Variants in SPON1 observed in about 807,000 individuals in gnomAD.
The protein encoded by SPON1 is spondin-1.
SPON1 carries 52 observed loss-of-function variants against 111.7 expected under a neutral mutation model. The observed-to-expected ratio is 0.47, with a 90% CI of 0.37 to 0.59. The LOEUF (loss-of-function observed/expected upper bound fraction) is 0.59, where lower values mean the gene tolerates loss of function less well. Among genes scored for constraint, SPON1 ranks in the 20% least tolerant of loss-of-function variants. The pLI is 0.00. For synonymous variants in SPON1, 410 were observed against 395.8 expected, an observed-to-expected ratio of 1.04 and a Z score of -0.43; for missense variants, 957 against 1,068.5, an observed-to-expected ratio of 0.90 and a Z score of 1.46.
At chr11:13,989,440 T>C (rs1554910829) in intron 2 of SPON1, among the ~76,000 whole-genome samples, 2 of 152,202 alleles carry the variant, frequency 1.3e-5, no homozygotes, top group African/African-American at 4.8e-5. Context: ...TACTCTCTTT[T>C]CTTTATTAGT....
chr11:14,127,301 C>G lies in SPON1; in HGVS notation c.677-8119C>G, dbSNP rs1202431678. On this transcript the variant is annotated intron_variant, in intron 5 of 15. Coordinates refer to ENST00000576479, the MANE Select transcript of SPON1 (RefSeq NM_006108.4). ...CTAGAATATACATAGATCTGACCTC[C>G]GAAAAAAAAAAAAAAACCCAGTTTT... Among the ~76,000 whole-genome samples the G allele has an allele frequency of 3.7e-5, 2 of 54,498 alleles. 1 individual carries two copies. The highest frequency in any genetic ancestry group is 1.3e-3 in the South Asian group (2 of 1,570). 35.8% of individuals were successfully genotyped at this position (54,498 alleles called of 152,430 possible).
chr11:14,146,972 T>A (rs1847726019), intron 6 of SPON1, among the ~76,000 whole-genome samples: 1 of 150,810 alleles, frequency 6.6e-6, no homozygotes, highest in South Asian at 2.1e-4. Context: ...ATTTAAATAT[T>A]TTTAAATGAA....
At chr11:14,156,268 GT>G (rs1847844955) in intron 6 of SPON1, among the ~76,000 whole-genome samples, 1 of 146,636 alleles carries the variant, frequency 6.8e-6, no homozygotes, top group Admixed American at 7.0e-5. Context: ...TTTTTCATGT[GT>G]TTTTTGGCTG....
At chr11:14,082,470 G>C (rs1250444816) in intron 5 of SPON1, among the ~76,000 whole-genome samples, 1 of 152,192 alleles carries the variant, frequency 6.6e-6, no homozygotes, top group Non-Finnish European at 1.5e-5. Flanking sequence ...AAGTCCTCCA[G>C]GACAAACGTG....
chr11:14,243,239 G>T, intron 6 of SPON1, 93 bp from the exon 7 acceptor site: 1 of 1,202,596 alleles, frequency 8.3e-7, no homozygotes. Flanking sequence ...CAGCAGGTGA[G>T]GGAGTGGGGG....
intron 3 of SPON1, among the ~76,000 whole-genome samples, chr11:14,060,579 T>C (rs1029020617): frequency 6.6e-6 from 1 of 152,156 alleles, no homozygotes; most frequent in African/African-American, 2.4e-5. Flanking sequence ...TGGCTGCATA[T>C]TGGAATCACC....
intron 3 of SPON1, among the ~76,000 whole-genome samples, chr11:14,065,132 T>A (rs1848822228): frequency 6.6e-6 from 1 of 152,120 alleles, no homozygotes; most frequent in African/African-American, 2.4e-5. Context: ...TCTACTACTC[T>A]ACAGGATGCT....
intron 6 of SPON1, among the ~76,000 whole-genome samples, chr11:14,229,674 G>A (rs932600939): frequency 4.6e-5 from 7 of 152,144 alleles, no homozygotes; most frequent in Admixed American, 4.6e-4. Flanking sequence ...CACAGTGTCC[G>A]ACCCAGAAAG....
intron 2 of SPON1, among the ~76,000 whole-genome samples, chr11:14,021,228 G>T (rs1168801090): frequency 6.6e-6 from 1 of 152,000 alleles, no homozygotes; most frequent in African/African-American, 2.4e-5. Flanking sequence ...TTTCTGTTTT[G>T]TTCACCACAG....
chr11:14,262,849 C>A lies in SPON1; in HGVS notation c.2134C>A (p.Arg712=). 1.9e-6 allele frequency: 3 copies of A among 1,613,582 alleles called. No homozygotes were observed. The highest frequency in any genetic ancestry group is 1.7e-6 in the Non-Finnish European group (2 of 1,179,794). The change falls in exon 15 of 16, where the codon CGA becomes AGA. Residue 712 remains arginine, a synonymous_variant. Transcript: ENST00000576479. ...TGCACCCTGCCCAGAGACTGTGCAGCGAAAAAAGTGCCGCATCCGAAAATG... is the reference window on the plus strand; with the variant it reads ...TGCACCCTGCCCAGAGACTGTGCAGAGAAAAAAGTGCCGCATCCGAAAATG... ...GGAPCPETVQ[R]KKCRIRKCLR... is the part of the protein sequence containing the mutation.
intron 6 of SPON1, among the ~76,000 whole-genome samples, chr11:14,188,550 T>C (rs577681214): frequency 7.6e-4 from 116 of 152,360 alleles, no homozygotes; most frequent in African/African-American, 2.7e-3. Context: ...TTCTCACCAA[T>C]AGCATCATCT....
chr11:14,074,032 T>C (rs1848897588), intron 3 of SPON1, among the ~76,000 whole-genome samples: 1 of 152,130 alleles, frequency 6.6e-6, no homozygotes, highest in Non-Finnish European at 1.5e-5. Flanking sequence ...AAAAGCACTG[T>C]TGGAGATGAT....
At chr11:14,107,619 G>A (rs998831268) in intron 5 of SPON1, among the ~76,000 whole-genome samples, 3 of 151,442 alleles carry the variant, frequency 2.0e-5, no homozygotes, top group Non-Finnish European at 4.4e-5. Flanking sequence ...AAATGAAAGA[G>A]GGCTAGCTTT....
chr11:14,244,047 G>A (rs1848960367), intron 7 of SPON1, among the ~76,000 whole-genome samples: 1 of 152,194 alleles, frequency 6.6e-6, no homozygotes, highest in African/African-American at 2.4e-5. Flanking sequence ...AAAGTACAGT[G>A]AGTGTCAAAA....
At chr11:14,031,182 A>G (rs1848555938) in intron 2 of SPON1, among the ~76,000 whole-genome samples, 1 of 152,216 alleles carries the variant, frequency 6.6e-6, no homozygotes, top group African/African-American at 2.4e-5. Context: ...TGGAAATGAT[A>G]GACACCAGGG....
rs566734269 is a variant in SPON1, at chr11:14,202,087, A to C, written c.826-41245A>C. On this transcript the variant is annotated intron_variant, in intron 6 of 15. Coordinates refer to ENST00000576479, the MANE Select transcript of SPON1 (RefSeq NM_006108.4). The stretch of plus-strand genomic sequence containing the variant: ...TGATTTTCTGGCAAGATTAGATTCT[A>C]ATGTGGATTAATATCCTAAATTGAG... Among the ~76,000 whole-genome samples the C allele has an allele frequency of 2.0e-5, 3 of 152,328 alleles. No homozygotes were observed. In the East Asian group the frequency reaches 5.8e-4, roughly 29 times the overall value.
At chr11:14,003,665 G>A (rs1483283278) in intron 2 of SPON1, among the ~76,000 whole-genome samples, 4 of 151,900 alleles carry the variant, frequency 2.6e-5, no homozygotes, top group African/African-American at 4.8e-5. Context: ...TTGGCATTTG[G>A]GCCATATTTG....
chr11:14,091,375 G>C (rs868919608), intron 5 of SPON1, among the ~76,000 whole-genome samples: 1 of 152,232 alleles, frequency 6.6e-6, no homozygotes, highest in African/African-American at 2.4e-5. Flanking sequence ...CCGTGGAGCA[G>C]GGGGTGGTGC....
intron 5 of SPON1, among the ~76,000 whole-genome samples, chr11:14,090,824 G>GCCACCCCCCCCCCCCCCCCCCCCCC (rs1849046497): frequency 2.2e-5 from 1 of 45,580 alleles, no homozygotes; most frequent in Admixed American, 2.7e-4. Context: ...CTCTTATCTG[G>GCCACCCCCCCCCCCCCCCCCCCCCC]CCCCCCCCCC....
Sources: gnomAD v4.1 joint callset for allele counts (sites outside exome capture counted in the v4.1 genomes callset) on GRCh38, gnomAD v4.1.1 for gene constraint, MANE v1.5 for transcripts, NCBI Gene and HGNC (gene_info 2026-07-23, HGNC 2026-07-21) for gene names.